Variants in CHST11 observed in about 807,000 individuals in gnomAD.
The protein encoded by CHST11 is carbohydrate sulfotransferase 11.
A neutral mutation model predicts 30.4 loss-of-function variants in CHST11; 9 were observed. That is an observed-to-expected ratio of 0.30 (90% CI 0.18 to 0.52). CHST11 has a LOEUF of 0.52. Ranked by LOEUF, CHST11 falls within the 20% of genes least tolerant of loss-of-function variation. CHST11 has a pLI of 0.97. For missense variants in CHST11, 348 were observed against 460.6 expected (o/e 0.76, Z 2.24); for synonymous variants, 152 against 187.8 (o/e 0.81, Z 1.56).
At chr12:104,525,833 G>T (rs1203316331) in intron 1 of CHST11, among the ~76,000 whole-genome samples, 1 of 143,460 alleles carries the variant, frequency 7.0e-6, no homozygotes, top group Non-Finnish European at 1.5e-5. Flanking sequence ...AAATCGTAAG[G>T]TTTCTCACAT....
Position 104,502,260 on chromosome 12 carries a change from T to C in CHST11, c.118+44731T>C, listed in dbSNP as rs192611057. ...AGTGGTCTTGCTGTGTTGCCAAGGC[T>C]GGTCTTGAACTCCTGGCTTTAAGCG... On this transcript the variant is annotated intron_variant, in intron 1 of 2. Transcript: ENST00000303694. Among the ~76,000 whole-genome samples the C allele has an allele frequency of 2.1e-3, 314 of 152,198 alleles. 1 individual carries two copies. The highest frequency in any genetic ancestry group is 7.3e-3 in the African/African-American group (302 of 41,504).
intron 1 of CHST11, among the ~76,000 whole-genome samples, chr12:104,571,431 G>A (rs2136024036): frequency 1.3e-5 from 2 of 152,272 alleles, no homozygotes; most frequent in South Asian, 4.1e-4. Context: ...CCAAAGTGCT[G>A]GGATTACAGG....
At chr12:104,675,682 G>C (rs1393036348) in intron 2 of CHST11, among the ~76,000 whole-genome samples, 1 of 152,180 alleles carries the variant, frequency 6.6e-6, no homozygotes, top group Admixed American at 6.5e-5. Context: ...ACGTACTTAA[G>C]CAAATTACTT....
At chr12:104,587,803 ACT>A (rs2038819369) in intron 1 of CHST11, among the ~76,000 whole-genome samples, 1 of 144,192 alleles carries the variant, frequency 6.9e-6, no homozygotes, top group Non-Finnish European at 1.5e-5. Context: ...ATTGTTTCAG[ACT>A]CTTCAATTCG....
chr12:104,615,482 T>C (rs1184739955), intron 2 of CHST11, among the ~76,000 whole-genome samples: 1 of 152,192 alleles, frequency 6.6e-6, no homozygotes, highest in Non-Finnish European at 1.5e-5. Flanking sequence ...AAGATGAATG[T>C]CTGAGGCCAC....
Position 104,525,633 on chromosome 12 carries a change from C to T in CHST11, c.118+68104C>T, listed in dbSNP as rs188643121. On this transcript the variant is annotated intron_variant, in intron 1 of 2. Transcript: ENST00000303694. ...TGAGAGAACTGGTATTAGAATGAAG[C>T]GAGAGTAAAGATTTGCAAAGTACTC... Among the ~76,000 whole-genome samples the T allele has an allele frequency of 8.3e-3, 1,266 of 152,100 alleles. 62 individuals are homozygous for T. The highest frequency in any genetic ancestry group is 0.076 in the Admixed American group (1,157 of 15,286).
chr12:104,727,122 C>A (rs1045341186), intron 2 of CHST11, among the ~76,000 whole-genome samples: 8 of 152,208 alleles, frequency 5.3e-5, no homozygotes, highest in Admixed American at 1.3e-4. Flanking sequence ...AATGATGGTG[C>A]ACTCATGGCA....
chr12:104,597,496 C>G (rs2038918059), intron 1 of CHST11, among the ~76,000 whole-genome samples: 2 of 152,134 alleles, frequency 1.3e-5, no homozygotes, highest in African/African-American at 4.8e-5. Flanking sequence ...ATAACCATAG[C>G]CTAATGCTAC....
In CHST11 at chr12:104,566,483, C is replaced by G. The variant is rs191442284; in HGVS notation, c.119-35423C>G. 5.9e-5 allele frequency among the ~76,000 whole-genome samples: 9 copies of G among 152,314 alleles called. No individual in the cohort carries two copies. In the East Asian group the frequency reaches 9.6e-4, roughly 16 times the overall value. On this transcript the variant is annotated intron_variant, in intron 1 of 2. Transcript: ENST00000303694. ...GAACAAAAACGCTTGGTTTCTCATG[C>G]TGGGAGATAGTCCTCCATCCCCACA... is the stretch of plus-strand genomic sequence containing the variant.
At chr12:104,580,359 T>C (rs151175788) in intron 1 of CHST11, among the ~76,000 whole-genome samples, 144 of 152,338 alleles carry the variant, frequency 9.5e-4, no homozygotes, top group South Asian at 4.3e-3. Context: ...TAGTAAAGCA[T>C]GGGCATTTAA....
intron 1 of CHST11, among the ~76,000 whole-genome samples, chr12:104,482,033 T>C (rs372748490): frequency 6.6e-5 from 10 of 152,186 alleles, no homozygotes; most frequent in Admixed American, 3.3e-4. Context: ...TATTTTTTAG[T>C]AGAGACAGGG....
At chr12:104,539,545 A>C (rs58754129) in intron 1 of CHST11, among the ~76,000 whole-genome samples, 2,488 of 152,270 alleles carry the variant, frequency 0.016, 118 homozygotes, top group East Asian at 0.15. Context: ...GGATTATAAC[A>C]TGCTTGTAAG....
At chr12:104,583,922 G>A (rs1410652575) in intron 1 of CHST11, among the ~76,000 whole-genome samples, 2 of 152,046 alleles carry the variant, frequency 1.3e-5, no homozygotes, top group African/African-American at 2.4e-5. Flanking sequence ...CATGTTAACC[G>A]GGCTGGTCCC....
At chr12:104,639,682 C>T (rs555353122) in intron 2 of CHST11, among the ~76,000 whole-genome samples, 7 of 152,234 alleles carry the variant, frequency 4.6e-5, no homozygotes, top group Non-Finnish European at 5.9e-5. Context: ...TTGCCCTTCA[C>T]GGAATAAGAG....
At chr12:104,460,451 C>T (rs1355916026) in intron 1 of CHST11, among the ~76,000 whole-genome samples, 4 of 151,978 alleles carry the variant, frequency 2.6e-5, no homozygotes, top group African/African-American at 9.7e-5. Context: ...ATCACTTGAG[C>T]TCAGGAGTTC....
At chr12:104,707,917 T>C (rs1370941916) in intron 2 of CHST11, among the ~76,000 whole-genome samples, 1 of 152,196 alleles carries the variant, frequency 6.6e-6, no homozygotes, top group East Asian at 1.9e-4. Flanking sequence ...CATGTGCACA[T>C]AGACACATGC....
At chr12:104,685,355 C>A (rs968163261) in intron 2 of CHST11, among the ~76,000 whole-genome samples, 1 of 152,136 alleles carries the variant, frequency 6.6e-6, no homozygotes, top group Non-Finnish European at 1.5e-5. Flanking sequence ...TATAAGAAAC[C>A]TAAACTTATT....
chr12:104,712,407 C>T (rs1407890282), intron 2 of CHST11, among the ~76,000 whole-genome samples: 1 of 152,154 alleles, frequency 6.6e-6, no homozygotes, highest in Admixed American at 6.5e-5. Flanking sequence ...TATAAAGCGC[C>T]TCACAGCAGC....
At chr12:104,671,884 A>C (rs2039701011) in intron 2 of CHST11, among the ~76,000 whole-genome samples, 1 of 152,080 alleles carries the variant, frequency 6.6e-6, no homozygotes, top group African/African-American at 2.4e-5. Context: ...CACTGAAGTT[A>C]GCAAATCGGC....
Sources: gnomAD v4.1 joint callset for allele counts (sites outside exome capture counted in the v4.1 genomes callset) on GRCh38, gnomAD v4.1.1 for gene constraint, MANE v1.5 for transcripts, NCBI Gene and HGNC (gene_info 2026-07-23, HGNC 2026-07-21) for gene names.